The following SMAP1 variants were observed in gnomAD, a reference collection of about 807,000 sequenced individuals.
SMAP1 encodes the protein small ArfGAP 1.
SMAP1 carries 24 observed loss-of-function variants against 58.5 expected under a neutral mutation model. That is an observed-to-expected ratio of 0.41 (90% CI 0.30 to 0.58). The LOEUF (loss-of-function observed/expected upper bound fraction) is 0.58. SMAP1 is among the 20% of genes least tolerant of loss of function. SMAP1 has a pLI of 0.29. For missense variants in SMAP1, 563 were observed against 566.3 expected (o/e 0.99, Z 0.06); for synonymous variants, 216 against 196.6 (o/e 1.10, Z -0.82).
intron 2 of SMAP1, among the ~76,000 whole-genome samples, chr6:70,738,455 AAG>A (rs1380993838): frequency 1.8e-5 from 2 of 111,060 alleles, no homozygotes; most frequent in African/African-American, 3.5e-5. Context: ...ATTTTCTATT[AAG>A]AAAAAAAAAA....
intron 3 of SMAP1, among the ~76,000 whole-genome samples, chr6:70,760,456 C>T (rs1341388852): frequency 6.6e-6 from 1 of 151,988 alleles, no homozygotes; most frequent in Non-Finnish European, 1.5e-5. Flanking sequence ...AATTCTTGGA[C>T]CATGAGACTA....
chr6:70,828,668 T>G (rs1770237909), intron 6 of SMAP1, among the ~76,000 whole-genome samples: 1 of 152,220 alleles, frequency 6.6e-6, no homozygotes, highest in South Asian at 2.1e-4. Flanking sequence ...TTCCACATTG[T>G]GGAAATAGAA....
At chr6:70,735,762 C>T (rs1195222110) in intron 2 of SMAP1, among the ~76,000 whole-genome samples, 3 of 152,118 alleles carry the variant, frequency 2.0e-5, no homozygotes, top group African/African-American at 2.4e-5. Context: ...GAGTGAGACT[C>T]AGCCTAAAAA....
intron 10 of SMAP1, 56 bp downstream of exon 10, chr6:70,858,285 ATCTTTT>A: frequency 2.7e-5 from 28 of 1,019,678 alleles, no homozygotes; most frequent in African/African-American, 1.6e-4. Flanking sequence ...TATTTTCTAA[ATCTTTT>A]TTTTTTTTTT....
rs1768786210 is a variant in SMAP1 at position 70,800,259 on chromosome 6, A to G, written c.576+1522A>G. On this transcript the variant is annotated intron_variant, in intron 6 of 10. Coordinates refer to ENST00000370455, the MANE Select transcript of SMAP1 (RefSeq NM_001044305.3). ...GATCATACCTGTGAATAGCCACTGC[A>G]CTCCAGCATGGGTAACACAGCAAGA... Among the ~76,000 whole-genome samples, 7 of 152,024 alleles carry G rather than the reference A, an allele frequency of 4.6e-5. No individual in the cohort carries two copies. In the South Asian group the frequency reaches 1.5e-3, roughly 32 times the overall value.
At chr6:70,698,258 A>G (rs1308798970) in intron 1 of SMAP1, among the ~76,000 whole-genome samples, 1 of 152,144 alleles carries the variant, frequency 6.6e-6, no homozygotes, top group East Asian at 1.9e-4. Flanking sequence ...TTCCACTGAG[A>G]CATATGCTGC....
At chr6:70,816,937 A>G (rs1769655216) in intron 6 of SMAP1, among the ~76,000 whole-genome samples, 1 of 152,064 alleles carries the variant, frequency 6.6e-6, no homozygotes, top group Non-Finnish European at 1.5e-5. Flanking sequence ...GGGATAATAT[A>G]TAAAATGAAC....
chr6:70,688,953 TG>T (rs1767043948), intron 1 of SMAP1, among the ~76,000 whole-genome samples: 1 of 152,134 alleles, frequency 6.6e-6, no homozygotes, highest in Non-Finnish European at 1.5e-5. Flanking sequence ...ATTTTATATA[TG>T]ATACAAGGTA....
At chr6:70,740,817 G>A (rs962436006) in intron 2 of SMAP1, among the ~76,000 whole-genome samples, 2 of 152,158 alleles carry the variant, frequency 1.3e-5, no homozygotes, top group Non-Finnish European at 2.9e-5. Context: ...AGAAAAAGAG[G>A]TTTAATGGAC....
intron 3 of SMAP1, among the ~76,000 whole-genome samples, chr6:70,767,696 C>A (rs1467946682): frequency 1.3e-5 from 2 of 148,738 alleles, no homozygotes; most frequent in Non-Finnish European, 3.0e-5. Context: ...CATCTGCAAA[C>A]AGGGACAATT....
intron 3 of SMAP1, among the ~76,000 whole-genome samples, chr6:70,771,167 G>T (rs549702601): frequency 1.6e-4 from 24 of 152,302 alleles, no homozygotes; most frequent in African/African-American, 5.3e-4. Flanking sequence ...CTACTGGGGG[G>T]TGCCTCCCAG....
chr6:70,799,279 A>G (rs1270536261), intron 6 of SMAP1, among the ~76,000 whole-genome samples: 2 of 152,212 alleles, frequency 1.3e-5, no homozygotes, highest in Non-Finnish European at 2.9e-5. Flanking sequence ...AGAATGGTAG[A>G]TTGAACTCAA....
chr6:70,763,106 CTTTTTTTT>C (rs35936929), intron 3 of SMAP1, among the ~76,000 whole-genome samples: 13 of 84,472 alleles, frequency 1.5e-4, no homozygotes, highest in South Asian at 4.6e-4. Flanking sequence ...ACAGATATTA[CTTTTTTTT>C]TTTTTTTTTT....
chr6:70,745,528 T>G (rs1173929158), intron 2 of SMAP1, among the ~76,000 whole-genome samples: 1 of 152,232 alleles, frequency 6.6e-6, no homozygotes, highest in Non-Finnish European at 1.5e-5. Context: ...GTTCCATTGG[T>G]CTATCTCTCT....
At position 70,745,957 on chromosome 6, in the gene SMAP1, T is replaced by A. The variant is rs1446845005; in HGVS notation, c.253-9023T>A. On this transcript the variant is annotated intron_variant, in intron 2 of 10. Transcript: ENST00000370455. The stretch of plus-strand genomic sequence containing the variant: ...AGCATTGTGAATGGGAGTTCACTCA[T>A]GATTTGGCTCTCTGTTTGTCTATTA... Among the ~76,000 whole-genome samples, 7 of 152,314 alleles carry A rather than the reference T, an allele frequency of 4.6e-5. No homozygotes were observed. In the East Asian group the frequency reaches 1.4e-3, roughly 29 times the overall value.
At chr6:70,687,620 A>G (rs562272748) in intron 1 of SMAP1, among the ~76,000 whole-genome samples, 319 of 152,332 alleles carry the variant, frequency 2.1e-3, no homozygotes, top group Non-Finnish European at 3.8e-3. Flanking sequence ...CAAAACATAC[A>G]TAGAGAAACT....
At chr6:70,791,549 C>T in intron 4 of SMAP1, 140 bp from the exon 5 acceptor site, 1 of 555,576 alleles carries the variant, frequency 1.8e-6, no homozygotes, top group Non-Finnish European at 3.1e-6. Flanking sequence ...TTTCTTGATG[C>T]ATTGTTTTAC....
chr6:70,701,419 C>T lies in SMAP1; in HGVS notation c.119-30959C>T, dbSNP rs966769084. 3.9e-5 allele frequency among the ~76,000 whole-genome samples: 6 copies of T among 152,196 alleles called. No homozygotes were observed. The East Asian group carries it at 7.7e-4, about 20-fold the overall frequency. ...AAGTCCACTGGCTGCAAGCCCAGCA[C>T]AGCACCGGGACTTGCCTAGGGATTG... On this transcript the variant is annotated intron_variant, in intron 1 of 10. Coordinates refer to ENST00000370455, the MANE Select transcript of SMAP1 (RefSeq NM_001044305.3).
intron 6 of SMAP1, among the ~76,000 whole-genome samples, chr6:70,808,495 C>T (rs759473128): frequency 3.3e-5 from 5 of 152,134 alleles, no homozygotes; most frequent in East Asian, 3.9e-4. Flanking sequence ...AAACGGTTGC[C>T]GCGGAAGAAG....
Sources: gnomAD v4.1 joint callset for allele counts (sites outside exome capture counted in the v4.1 genomes callset) on GRCh38, gnomAD v4.1.1 for gene constraint, MANE v1.5 for transcripts, NCBI Gene and HGNC (gene_info 2026-07-23, HGNC 2026-07-21) for gene names.